Variants in CDHR1 observed in about 807,000 individuals in gnomAD.
The protein encoded by CDHR1 is cadherin related family member 1, also known as cadherin-related family member 1.
In CDHR1, 61 loss-of-function variants were observed where a neutral mutation model predicts 72.1. The ratio of observed to expected loss-of-function variants is 0.85; its 90% CI spans 0.69 to 1.05. The LOEUF (loss-of-function observed/expected upper bound fraction) is 1.05, where lower values mean the gene tolerates loss of function less well. CDHR1 is among the 50% of genes least tolerant of loss of function. CDHR1 has a pLI of 0.00. For synonymous variants in CDHR1, 470 were observed against 448.1 expected (o/e 1.05, Z -0.62); for missense variants, 1,186 against 1,115.7 (o/e 1.06, Z -0.90).
At chr10:84,194,852 G>T in intron 1 of CDHR1, 37 bp downstream of exon 1, 1 of 1,529,270 alleles carries the variant, frequency 6.5e-7, no homozygotes, top group Non-Finnish European at 8.8e-7. Context: ...CGCGTGGATG[G>T]CGAGGGAGAT....
chr10:84,211,759 T>C, intron 14 of CDHR1, 44 bp downstream of exon 14: 1 of 1,545,920 alleles, frequency 6.5e-7, no homozygotes, highest in Non-Finnish European at 8.9e-7. Context: ...GGCAAGGGGA[T>C]TGGAAGGCTG....
At position 84,212,361 on chromosome 10, in the gene CDHR1, G is replaced by A. The variant is rs200776781; in HGVS notation, c.1736G>A (p.Ser579Asn). 3 of 1,614,244 alleles carry A rather than the reference G, an allele frequency of 1.9e-6. No individual in the cohort carries two copies. Among genetic ancestry groups the A allele is most frequent in the East Asian group, 2.2e-5 (1 of 44,888 alleles). ...GACCACCCCCCTCAGTTTGGAAAGA[G>A]CGTTCAGAAGAAGACGATGGTGCTA... ...VNDHPPQFGK[S>N]VQKKTMVLGT... The change falls in exon 15 of 17, where the codon AGC (serine) becomes AAC (asparagine). Residue 579 changes from serine to asparagine, a missense_variant. By Grantham distance (46) the Ser-to-Asn change is conservative. Coordinates refer to ENST00000623527, the MANE Select transcript of CDHR1 (RefSeq NM_033100.4).
downstream of CDHR1, chr10:84,219,061 T>C (rs780351633): frequency 2.3e-6 from 2 of 857,062 alleles, no homozygotes; most frequent in Non-Finnish European, 3.7e-6. Flanking sequence ...AATGTACTAT[T>C]ATTATTCTAT....
At position 84,196,214 on chromosome 10, in the gene CDHR1, G is replaced by C. The variant is rs182613870; in HGVS notation, c.152-291G>C. Among the ~76,000 whole-genome samples the C allele has an allele frequency of 7.9e-5, 12 of 152,278 alleles. No individual in the cohort carries two copies. In the East Asian group the frequency reaches 2.3e-3, roughly 29 times the overall value. On this transcript the variant is annotated intron_variant, in intron 2 of 16. Transcript: ENST00000623527. ...TATTACCAGGCTGAGCAGAACATAG[G>C]CACTACAGTTAGGCACGGCAGACCT...
intron 11 of CDHR1, 118 bp from the exon 12 acceptor site, chr10:84,208,611 C>A: frequency 8.6e-7 from 1 of 1,169,050 alleles, no homozygotes; most frequent in Non-Finnish European, 1.3e-6. Context: ...AAGTCAGATG[C>A]AGAAACTCTC....
Position 84,216,014 on chromosome 10 carries a change from C to T in CDHR1, c.*1393C>T, listed in dbSNP as rs548831633. ...TAGCAAAGATCTTGTCTAGCCAGGG[C>T]AGCCCTTATCAGCTTGTGACAACCT... On this transcript the variant is annotated 3_prime_UTR_variant, in exon 17 of 17. Coordinates refer to ENST00000623527, the MANE Select transcript of CDHR1 (RefSeq NM_033100.4). 1.9e-5 allele frequency: 19 copies of T among 985,460 alleles called. No homozygotes were observed. In the South Asian group the frequency reaches 7.0e-4, roughly 37 times the overall value. The allele number at this position is 985,460 out of a possible 1,614,324, so 61.0% of individuals were successfully genotyped here. A position where few individuals can be genotyped will look rare whatever the true frequency, so the allele number is the denominator to read the frequency against.
chr10:84,195,446 T>C (rs747259771), intron 1 of CDHR1, 48 bp from the exon 2 acceptor site: 1 of 1,538,256 alleles, frequency 6.5e-7, no homozygotes, highest in Non-Finnish European at 8.9e-7. Context: ...TCCTGGTGTC[T>C]GGGTGTCCTT....
chr10:84,207,387 T>C (rs912173749), intron 10 of CDHR1, among the ~76,000 whole-genome samples: 1 of 151,826 alleles, frequency 6.6e-6, no homozygotes, highest in African/African-American at 2.4e-5. Flanking sequence ...CAGTGCCACA[T>C]ACAGTGTGGA....
In CDHR1 at chr10:84,204,033, G is replaced by A. The variant is rs910701475; in HGVS notation, c.784-494G>A. ...AAGTCAAGCAAGACTTATATAGTTG[G>A]GGCAGCCCTACGCCCAAACCCTTCC... On this transcript the variant is annotated intron_variant, in intron 8 of 16. Transcript: ENST00000623527. Among the ~76,000 whole-genome samples the A allele has an allele frequency of 2.0e-5, 3 of 151,884 alleles. No homozygotes were observed. In the South Asian group the frequency reaches 6.2e-4, roughly 32 times the overall value.
intron 7 of CDHR1, among the ~76,000 whole-genome samples, chr10:84,202,337 T>C (rs979807689): frequency 7.2e-5 from 11 of 152,148 alleles, no homozygotes; most frequent in African/African-American, 2.4e-5. Flanking sequence ...CTCAACTAAG[T>C]TCCTCATATT....
chr10:84,201,487 A>T (rs1348762229), intron 6 of CDHR1, among the ~76,000 whole-genome samples: 1 of 152,232 alleles, frequency 6.6e-6, no homozygotes, highest in East Asian at 1.9e-4. Context: ...TACTCCGCAG[A>T]CATTGCCATC....
intron 1 of CDHR1, 54 bp from the exon 2 acceptor site, chr10:84,195,440 G>T: frequency 6.6e-7 from 1 of 1,504,140 alleles, no homozygotes; most frequent in Admixed American, 1.8e-5. Context: ...GCTCCCTCCT[G>T]GTGTCTGGGT....
chr10:84,205,036 G>A (rs765375623), intron 9 of CDHR1, among the ~76,000 whole-genome samples: 56 of 152,152 alleles, frequency 3.7e-4, no homozygotes, highest in Non-Finnish European at 7.6e-4. Context: ...CCTATATATG[G>A]ACAAGAAAAC....
Position 84,217,442 on chromosome 10 carries a change from G to T in CDHR1, c.*2821G>T. ...ACGTGAAATAACAAAGTCCTTTACA[G>T]TTTGACAGCCCTAGGTCTGAATTCT... is the stretch of plus-strand genomic sequence containing the variant. On this transcript the variant is annotated 3_prime_UTR_variant, in exon 17 of 17. Transcript: ENST00000623527. 2.0e-6 allele frequency: 2 copies of T among 985,138 alleles called. No homozygotes were observed. The highest frequency in any genetic ancestry group is 1.2e-6 in the Non-Finnish European group (1 of 829,648). 61.0% of individuals were successfully genotyped at this position (985,138 alleles called of 1,614,324 possible). A position where few individuals can be genotyped will look rare whatever the true frequency, so the allele number is the denominator to read the frequency against.
rs375309991 is a variant in CDHR1, at chr10:84,208,163, C to T, written c.964-11C>T. 2.1e-5 allele frequency: 34 copies of T among 1,613,124 alleles called. No homozygotes were observed. Among genetic ancestry groups the T allele is most frequent in the Non-Finnish European group, 2.7e-5 (32 of 1,179,254 alleles). On this transcript the variant is annotated splice_polypyrimidine_tract_variant and intron_variant, in intron 10 of 16. Transcript: ENST00000623527. ...CTGCCACACAGCCATAGCCACTTGT[C>T]CCCATCCCAGGTGACTGAAATGAGC...
At chr10:84,203,448 C>T (rs7086760) in intron 8 of CDHR1, among the ~76,000 whole-genome samples, 3,938 of 152,132 alleles carry the variant, frequency 0.026, 160 homozygotes, top group African/African-American at 0.088. Flanking sequence ...CGGAGTCTCG[C>T]TTTGTCGCCA....
chr10:84,195,410 C>G (rs1296651442), intron 1 of CDHR1, 84 bp from the exon 2 acceptor site: 6 of 1,286,864 alleles, frequency 4.7e-6, no homozygotes, highest in Non-Finnish European at 5.5e-6. Flanking sequence ...GGGCCTGACG[C>G]GGGACCGCGC....
intron 15 of CDHR1, chr10:84,212,865 TA>T (rs1456395318): frequency 1.6e-6 from 1 of 618,856 alleles, no homozygotes. Flanking sequence ...ATTTGCTTCC[TA>T]GACTTGTTCT....
intron 12 of CDHR1, among the ~76,000 whole-genome samples, chr10:84,210,367 G>A (rs113912641): frequency 2.3e-4 from 35 of 152,074 alleles, no homozygotes; most frequent in South Asian, 2.1e-4. Flanking sequence ...CCAGGTTTAA[G>A]TGATTCTCGT....
Sources: allele counts gnomAD v4.1 joint callset (sites outside exome capture counted in the v4.1 genomes callset), GRCh38; gene constraint gnomAD v4.1.1; transcripts MANE v1.5; gene names NCBI Gene and HGNC (gene_info 2026-07-23, HGNC 2026-07-21).